PDE3B: variants seen among roughly 807,000 people sequenced by gnomAD.
PDE3B encodes the protein phosphodiesterase 3B.
PDE3B carries 66 observed loss-of-function variants against 116.8 expected under a neutral mutation model. The ratio of observed to expected loss-of-function variants is 0.56; its 90% CI spans 0.46 to 0.69. PDE3B has a LOEUF of 0.69. Among genes scored for constraint, PDE3B ranks in the 30% least tolerant of loss-of-function variants. The pLI, the probability that PDE3B is intolerant of heterozygous loss-of-function variation, is 0.00. For synonymous variants in PDE3B, 595 were observed against 533.6 expected, an observed-to-expected ratio of 1.12 and a Z score of -1.59; for missense variants, 1,384 against 1,368.1, an observed-to-expected ratio of 1.01 and a Z score of -0.18.
intron 1 of PDE3B, among the ~76,000 whole-genome samples, chr11:14,769,765 G>A (rs1336534315): frequency 6.7e-6 from 1 of 148,544 alleles, no homozygotes; most frequent in Non-Finnish European, 1.5e-5. Flanking sequence ...TGTAGCCTTT[G>A]GAGGGCTACG....
chr11:14,812,531 G>T (rs921762511), intron 5 of PDE3B, among the ~76,000 whole-genome samples: 1 of 152,078 alleles, frequency 6.6e-6, no homozygotes, highest in African/African-American at 2.4e-5. Flanking sequence ...AATCTGTTAA[G>T]CTTACATTTT....
intron 1 of PDE3B, among the ~76,000 whole-genome samples, chr11:14,743,088 A>G (rs1856814378): frequency 6.6e-6 from 1 of 152,156 alleles, no homozygotes; most frequent in Non-Finnish European, 1.5e-5. Context: ...GCAGAGCTTG[A>G]GCGCTGTGTT....
chr11:14,658,124 A>G (rs1565076133), intron 1 of PDE3B, among the ~76,000 whole-genome samples: 1 of 152,114 alleles, frequency 6.6e-6, no homozygotes, highest in South Asian at 2.1e-4. Flanking sequence ...GGGTAGAATT[A>G]TGCTTACATG....
In PDE3B at chr11:14,859,151, G is replaced by A. The variant is rs1321175775; in HGVS notation, c.2629G>A (p.Val877Met). 6.2e-7 allele frequency: 1 copy of A among 1,613,498 alleles called. No homozygotes were observed. The highest frequency in any genetic ancestry group is 8.5e-7 in the Non-Finnish European group (1 of 1,179,694). The change falls in exon 13 of 16, where the codon GTG becomes ATG. Residue 877 changes from valine (V) to methionine (M), a missense_variant. By Grantham distance (21) the Val-to-Met change is conservative. This residue lies in a region of PDE3B where 428 missense variants were observed against 561.4 expected (regional missense o/e 0.76). Coordinates refer to ENST00000282096, the MANE Select transcript of PDE3B (RefSeq NM_000922.4). The stretch of plus-strand genomic sequence containing the variant: ...CAACTTCCTTCTTCATCTTGATCAT[G>A]TGGAATTCAAGCGCTTTCGTTTTTT... ...EYNFLLHLDHVEFKRFRFLVI... is the reference protein window; with the variant it reads ...EYNFLLHLDHMEFKRFRFLVI...
chr11:14,795,419 G>A (rs186439726), intron 4 of PDE3B, among the ~76,000 whole-genome samples: 5 of 152,226 alleles, frequency 3.3e-5, no homozygotes, highest in Admixed American at 6.5e-5. Context: ...GGAACTACTC[G>A]TCTGCTTGTC....
chr11:14,678,097 T>C (rs1420246857), intron 1 of PDE3B, among the ~76,000 whole-genome samples: 1 of 152,004 alleles, frequency 6.6e-6, no homozygotes. Flanking sequence ...CCTGGCTGAT[T>C]TTTGTATTTT....
In PDE3B at chr11:14,653,167, T is replaced by G. The variant is rs74625131; in HGVS notation, c.978+8114T>G. On this transcript the variant is annotated intron_variant, in intron 1 of 15. Coordinates refer to ENST00000282096, the MANE Select transcript of PDE3B (RefSeq NM_000922.4). ...TGAATTTGTTTGTTCTAATGGTTTT[T>G]TTTGGTGGAATCTTCAGGGTCTTAA... is the stretch of plus-strand genomic sequence containing the variant. 1.0e-2 allele frequency among the ~76,000 whole-genome samples: 1,516 copies of G among 152,322 alleles called. 70 individuals carry two copies. In the East Asian group the frequency reaches 0.11, roughly 11 times the overall value.
chr11:14,708,335 C>T (rs1034747689), intron 1 of PDE3B, among the ~76,000 whole-genome samples: 1 of 152,072 alleles, frequency 6.6e-6, no homozygotes, highest in African/African-American at 2.4e-5. Flanking sequence ...TTGAACTTTC[C>T]AGTCATCAGA....
chr11:14,734,987 A>T (rs1387506674), intron 1 of PDE3B, among the ~76,000 whole-genome samples: 4 of 152,132 alleles, frequency 2.6e-5, no homozygotes, highest in Non-Finnish European at 5.9e-5. Flanking sequence ...TTATACATTC[A>T]TTGCATGCGG....
At chr11:14,895,579 G>A in the PDE3B span, among the ~76,000 whole-genome samples, 3 of 147,280 alleles carry the variant, frequency 2.0e-5, no homozygotes, top group African/African-American at 5.1e-5. Context: ...AACTGAATTC[G>A]TGCACTTGGA....
intron 12 of PDE3B, among the ~76,000 whole-genome samples, chr11:14,845,533 A>G (rs1263382796): frequency 2.0e-5 from 3 of 152,190 alleles, no homozygotes; most frequent in African/African-American, 7.2e-5. Context: ...AGACGATCAA[A>G]TTACTCTGAG....
Position 14,643,897 on chromosome 11 carries a change from G to A in PDE3B, c.-179G>A, listed in dbSNP as rs1853268826. ...CCCCTCTCCTCAGCCAGCATGTCCC[G>A]GACTCCGCCGCTCCTCAGTCCGCGC... is the stretch of plus-strand genomic sequence containing the variant. On this transcript the variant is annotated 5_prime_UTR_variant, in exon 1 of 16. Coordinates refer to ENST00000282096, the MANE Select transcript of PDE3B (RefSeq NM_000922.4). The A allele has an allele frequency of 6.7e-6, 6 of 892,276 alleles. No individual in the cohort carries two copies. The highest frequency in any genetic ancestry group is 7.7e-6 in the Non-Finnish European group (5 of 645,532). The allele number at this position is 892,276 out of a possible 1,614,324, so 55.3% of individuals were successfully genotyped here. A position where few individuals can be genotyped will look rare whatever the true frequency, so the allele number is the denominator to read the frequency against.
chr11:14,808,382 G>A (rs561463746), intron 5 of PDE3B, among the ~76,000 whole-genome samples: 1 of 152,192 alleles, frequency 6.6e-6, no homozygotes, highest in Non-Finnish European at 1.5e-5. Flanking sequence ...AGAAAAATAT[G>A]TGAAACATGC....
rs976942026 is a variant in PDE3B at position 14,786,435 on chromosome 11, A to G, written c.1030-2A>G. On this transcript the variant is annotated splice_acceptor_variant, in intron 2 of 15. Coordinates refer to ENST00000282096, the MANE Select transcript of PDE3B (RefSeq NM_000922.4). LOFTEE classifies it high-confidence loss of function. ...TGAAAATTTCACTTTTTTTCTTTCT[A>G]GAATTCTGGAGGTGGAAATGGAGTT... The G allele has an allele frequency of 1.2e-6, 2 of 1,606,138 alleles. No homozygotes were observed. The highest frequency in any genetic ancestry group is 1.7e-6 in the Non-Finnish European group (2 of 1,175,372).
intron 4 of PDE3B, among the ~76,000 whole-genome samples, chr11:14,796,931 C>A (rs879536770): frequency 3.9e-5 from 6 of 152,178 alleles, no homozygotes; most frequent in Non-Finnish European, 8.8e-5. Context: ...GACATGAAGT[C>A]TTTGCCCATG....
chr11:14,799,577 G>T (rs1009587108), intron 4 of PDE3B, among the ~76,000 whole-genome samples: 2 of 151,776 alleles, frequency 1.3e-5, no homozygotes, highest in African/African-American at 4.8e-5. Context: ...AAGTCTCTTT[G>T]TAGGTCTCTA....
At position 14,644,921 on chromosome 11, in the gene PDE3B, C is replaced by T. The variant is rs370880218; in HGVS notation, c.846C>T (p.Ala282=). 2 of 1,613,938 alleles carry T rather than the reference C, an allele frequency of 1.2e-6. No individual in the cohort carries two copies. Among genetic ancestry groups the T allele is most frequent in the Non-Finnish European group, 1.7e-6 (2 of 1,180,032 alleles). ...TTCATCCTCGACTGTCCAGTGCCGC[C>T]GAAGAAAAAGTGCCTGTGATCCGAC... ...APLHPRLSSA[A]EEKVPVIRPR... Residue 282 remains alanine (A), a synonymous_variant, in exon 1 of 16, where the codon GCC becomes GCT. Transcript: ENST00000282096.
intron 1 of PDE3B, among the ~76,000 whole-genome samples, chr11:14,715,773 G>A (rs55939326): frequency 0.13 from 20,018 of 152,062 alleles, 1,512 homozygotes; most frequent in African/African-American, 0.2. Flanking sequence ...TGATTGCCCT[G>A]GCCAGAACTT....
chr11:14,732,486 T>C (rs535731056), intron 1 of PDE3B, among the ~76,000 whole-genome samples: 1 of 152,312 alleles, frequency 6.6e-6, no homozygotes, highest in African/African-American at 2.4e-5. Context: ...AACTGCCTTT[T>C]AATTATAGAT....
Sources: gnomAD v4.1 joint callset for allele counts (sites outside exome capture counted in the v4.1 genomes callset) on GRCh38, gnomAD v4.1.1 for gene constraint, gnomAD v4.1.1 regional missense constraint, MANE v1.5 for transcripts, NCBI Gene and HGNC (gene_info 2026-07-23, HGNC 2026-07-21) for gene names.